FBXL7: variants seen among roughly 807,000 people sequenced by gnomAD.
FBXL7 encodes F-box/LRR-repeat protein 7.
Under a neutral mutation model 38.3 loss-of-function variants are expected in FBXL7, and 12 were observed. The ratio of observed to expected loss-of-function variants is 0.31; its 90% confidence interval spans 0.20 to 0.51. The LOEUF is 0.51. Ranked by LOEUF, FBXL7 falls within the 20% of genes least tolerant of loss-of-function variation. FBXL7 has a pLI of 0.98. For missense variants in FBXL7, 567 were observed against 676.4 expected, an observed-to-expected ratio of 0.84 and a Z score of 1.79; for synonymous variants, 297 against 300.9, an observed-to-expected ratio of 0.99 and a Z score of 0.13.
chr5:15,767,389 T>C (rs1736619464), intron 2 of FBXL7, among the ~76,000 whole-genome samples: 1 of 152,234 alleles, frequency 6.6e-6, no homozygotes, highest in African/African-American at 2.4e-5. Context: ...TGGGCTCATA[T>C]TTGCTAATCT....
intron 2 of FBXL7, among the ~76,000 whole-genome samples, chr5:15,644,878 G>A (rs1223772137): frequency 6.6e-6 from 1 of 152,116 alleles, no homozygotes; most frequent in Non-Finnish European, 1.5e-5. Context: ...CCTTTAGATG[G>A]ACTCAGGACA....
At chr5:15,883,886 T>G in intron 2 of FBXL7, among the ~76,000 whole-genome samples, 1 of 151,970 alleles carries the variant, frequency 6.6e-6, no homozygotes, top group East Asian at 1.9e-4. Flanking sequence ...TAAATACTTA[T>G]GGGATTAATT....
chr5:15,816,966 C>T (rs1561138005), intron 2 of FBXL7, among the ~76,000 whole-genome samples: 1 of 152,166 alleles, frequency 6.6e-6, no homozygotes, highest in East Asian at 1.9e-4. Flanking sequence ...CTCCGAATTT[C>T]TGTGTAGGTT....
intron 2 of FBXL7, among the ~76,000 whole-genome samples, chr5:15,831,953 G>A (rs1056926024): frequency 6.6e-6 from 1 of 152,072 alleles, no homozygotes; most frequent in African/African-American, 2.4e-5. Flanking sequence ...AGGATGGGAA[G>A]TCCTTCCCAT....
At chr5:15,868,087 A>G (rs1739794461) in intron 2 of FBXL7, among the ~76,000 whole-genome samples, 1 of 145,518 alleles carries the variant, frequency 6.9e-6, no homozygotes, top group South Asian at 2.2e-4. Context: ...GTGGCGACAG[A>G]GCAAGACTCC....
intron 2 of FBXL7, among the ~76,000 whole-genome samples, chr5:15,839,548 A>T (rs1034311920): frequency 1.3e-5 from 2 of 151,954 alleles, no homozygotes; most frequent in African/African-American, 4.8e-5. Flanking sequence ...ATGTGCCCTG[A>T]TCAATGTATT....
At chr5:15,785,685 C>T (rs1442972500) in intron 2 of FBXL7, among the ~76,000 whole-genome samples, 3 of 152,182 alleles carry the variant, frequency 2.0e-5, no homozygotes, top group Non-Finnish European at 4.4e-5. Context: ...GTGTGGATTA[C>T]CCCATTAGAA....
At chr5:15,651,340 C>T (rs1741703785) in intron 2 of FBXL7, among the ~76,000 whole-genome samples, 2 of 152,066 alleles carry the variant, frequency 1.3e-5, no homozygotes, top group Admixed American at 1.3e-4. Flanking sequence ...TCATGATCTG[C>T]CCACCTCGGC....
At position 15,600,580 on chromosome 5, in the gene FBXL7, C is replaced by T. The variant is rs113031871; in HGVS notation, c.38-15403C>T. ...TTTCTTGATACAGAATTTTGATAGT[C>T]AACTTTTGCTTATGATTGTTTGATA... On this transcript the variant is annotated intron_variant, in intron 1 of 3. Transcript: ENST00000504595. Among the ~76,000 whole-genome samples the T allele has an allele frequency of 1.2e-3, 187 of 152,254 alleles. 3 individuals are homozygous for T. Among genetic ancestry groups the T allele is most frequent in the African/African-American group, 4.3e-3 (178 of 41,552 alleles).
chr5:15,916,721 A>G (rs569963728), intron 2 of FBXL7, among the ~76,000 whole-genome samples: 102 of 152,368 alleles, frequency 6.7e-4, no homozygotes, highest in Middle Eastern at 3.4e-3. Flanking sequence ...AATAAATGAA[A>G]TAGCCATATT....
chr5:15,733,505 AT>A (rs1735668470), intron 2 of FBXL7, among the ~76,000 whole-genome samples: 1 of 152,242 alleles, frequency 6.6e-6, no homozygotes, highest in Non-Finnish European at 1.5e-5. Context: ...ACAAATATTC[AT>A]TTAGTATGCC....
At chr5:15,727,846 A>G (rs1179732361) in intron 2 of FBXL7, among the ~76,000 whole-genome samples, 1 of 152,084 alleles carries the variant, frequency 6.6e-6, no homozygotes, top group African/African-American at 2.4e-5. Flanking sequence ...GGACTGCTAC[A>G]ATGCACGTAT....
intron 2 of FBXL7, among the ~76,000 whole-genome samples, chr5:15,862,621 T>C (rs914027904): frequency 6.6e-6 from 1 of 152,224 alleles, no homozygotes; most frequent in African/African-American, 2.4e-5. Context: ...GGTGGTGCTC[T>C]TTCCCATGCT....
intron 2 of FBXL7, among the ~76,000 whole-genome samples, chr5:15,914,253 G>A (rs1160521302): frequency 2.6e-5 from 4 of 151,998 alleles, no homozygotes; most frequent in Non-Finnish European, 1.5e-5. Flanking sequence ...GGGCGTGGTG[G>A]CGGGTGCCTG....
intron 2 of FBXL7, among the ~76,000 whole-genome samples, chr5:15,793,600 G>A (rs1261983582): frequency 1.3e-5 from 2 of 152,272 alleles, no homozygotes; most frequent in Admixed American, 1.3e-4. Flanking sequence ...TCTTTATGGA[G>A]GCAACCCACT....
intron 1 of FBXL7, among the ~76,000 whole-genome samples, chr5:15,513,835 G>T (rs1367924462): frequency 6.6e-6 from 1 of 152,122 alleles, no homozygotes; most frequent in Non-Finnish European, 1.5e-5. Flanking sequence ...TGACATTTCT[G>T]TTCTGAATAA....
chr5:15,879,796 A>C (rs1740364078), intron 2 of FBXL7, among the ~76,000 whole-genome samples: 1 of 152,202 alleles, frequency 6.6e-6, no homozygotes, highest in Non-Finnish European at 1.5e-5. Context: ...TGAGATGATA[A>C]TACAGAGATC....
At position 15,601,529 on chromosome 5, in the gene FBXL7, G is replaced by A. The variant is rs866868305; in HGVS notation, c.38-14454G>A. The stretch of plus-strand genomic sequence containing the variant: ...ATTGCCTAAAGGCCTGTAGGTGGGT[G>A]TGTGGGAAGGGGAAGCTCTGCCCTG... On this transcript the variant is annotated intron_variant, in intron 1 of 3. Transcript: ENST00000504595. Among the ~76,000 whole-genome samples the A allele has an allele frequency of 1.6e-4, 24 of 152,280 alleles. No homozygotes were observed. In the Middle Eastern group the frequency reaches 0.01, roughly 65 times the overall value.
chr5:15,669,910 C>T (rs1742410295), intron 2 of FBXL7, among the ~76,000 whole-genome samples: 1 of 152,194 alleles, frequency 6.6e-6, no homozygotes, highest in Admixed American at 6.5e-5. Context: ...CTTCATGTCA[C>T]TTCTCCTGCA....
Sources: allele counts gnomAD v4.1 joint callset (sites outside exome capture counted in the v4.1 genomes callset), GRCh38; gene constraint gnomAD v4.1.1; transcripts MANE v1.5; gene names NCBI Gene and HGNC (gene_info 2026-07-23, HGNC 2026-07-21).